The following LCORL variants were observed in gnomAD, a reference collection of about 807,000 sequenced individuals.
LCORL encodes ligand-dependent nuclear receptor corepressor-like protein.
A neutral mutation model predicts 141.8 loss-of-function variants in LCORL; 41 were observed. That is an observed-to-expected ratio of 0.29 (90% CI 0.23 to 0.38). LCORL has a LOEUF of 0.38. LCORL is among the 10% of genes least tolerant of loss of function. The pLI is 1.00. For synonymous variants in LCORL, 618 were observed against 694.1 expected, an observed-to-expected ratio of 0.89 and a Z score of 1.72; for missense variants, 1,759 against 2,035.0, an observed-to-expected ratio of 0.86 and a Z score of 2.61.
chr4:17,917,550 C>T (rs544421754), intron 4 of LCORL, among the ~76,000 whole-genome samples: 117 of 152,348 alleles, frequency 7.7e-4, no homozygotes, highest in African/African-American at 2.5e-3. Context: ...AACAAAGAGA[C>T]AGCAGGTTTT....
intron 5 of LCORL, among the ~76,000 whole-genome samples, chr4:17,889,337 A>C (rs13141926): frequency 6.6e-6 from 1 of 151,988 alleles, no homozygotes; most frequent in Non-Finnish European, 1.5e-5. Flanking sequence ...CATCTAGGCT[A>C]TGTTAAAAGT....
In LCORL at chr4:17,972,899, GA is replaced by G. The variant is rs765781303; in HGVS notation, c.155-15del. ...TACTCTCAAAACCTGTGTTTTTAGA[GA>G]GAGAAAAGTATATTAACTACTAGAA... On this transcript the variant is annotated splice_polypyrimidine_tract_variant and intron_variant, in intron 1 of 7. Transcript: ENST00000635767. The G allele has an allele frequency of 3.8e-6, 5 of 1,327,420 alleles. No individual in the cohort carries two copies. The highest frequency in any genetic ancestry group is 5.0e-6 in the Non-Finnish European group (5 of 1,006,740). 82.2% of individuals were successfully genotyped at this position (1,327,420 alleles called of 1,614,324 possible).
chr4:17,906,481 A>G (rs566143730), intron 5 of LCORL, among the ~76,000 whole-genome samples: 1 of 151,786 alleles, frequency 6.6e-6, no homozygotes, highest in East Asian at 1.9e-4. Flanking sequence ...AAAACTTAAA[A>G]TTATCAAGAA....
At position 17,983,377 on chromosome 4, in the gene LCORL, T is replaced by C. The variant is rs147848559; in HGVS notation, c.155-10492A>G. Among the ~76,000 whole-genome samples the C allele has an allele frequency of 1.4e-3, 217 of 152,350 alleles. 2 individuals are homozygous for C. The East Asian group carries it at 0.029, about 20-fold the overall frequency. On this transcript the variant is annotated intron_variant, in intron 1 of 7. Transcript: ENST00000635767. ...GGGGAAAATGGTCATTTTAATGATA[T>C]TGATTCTTCCTATCCATGAGCAAAG...
chr4:17,904,660 G>A (rs1336638253), intron 5 of LCORL, among the ~76,000 whole-genome samples: 4 of 151,960 alleles, frequency 2.6e-5, no homozygotes, highest in East Asian at 1.9e-4. Context: ...ATCTTTCCCC[G>A]TGATTTATAA....
intron 5 of LCORL, 103 bp from the exon 6 acceptor site, chr4:17,886,264 T>C (rs1728255111): frequency 1.4e-6 from 1 of 702,218 alleles, no homozygotes; most frequent in Non-Finnish European, 2.5e-6. Flanking sequence ...ACACTAGTAT[T>C]TGATATGTGG....
intron 1 of LCORL, among the ~76,000 whole-genome samples, chr4:17,981,042 T>C (rs979478508): frequency 6.6e-6 from 1 of 152,182 alleles, no homozygotes; most frequent in Admixed American, 6.5e-5. Context: ...CCAAAATTCA[T>C]AGTTCTTTAA....
At chr4:17,984,263 C>T (rs1474592203) in intron 1 of LCORL, among the ~76,000 whole-genome samples, 1 of 152,078 alleles carries the variant, frequency 6.6e-6, no homozygotes, top group Non-Finnish European at 1.5e-5. Flanking sequence ...GTTTTGGTAT[C>T]AGGATGATGC....
At chr4:17,958,976 C>T (rs1046097540) in intron 4 of LCORL, among the ~76,000 whole-genome samples, 2 of 151,996 alleles carry the variant, frequency 1.3e-5, no homozygotes, top group Admixed American at 6.6e-5. Context: ...AGTTAAAGTT[C>T]ACCTTTGTCC....
intron 1 of LCORL, among the ~76,000 whole-genome samples, chr4:18,010,834 T>C (rs934162132): frequency 2.0e-5 from 3 of 152,148 alleles, no homozygotes; most frequent in Admixed American, 1.3e-4. Context: ...TCCAGTATAC[T>C]TACCCCCAGA....
Position 17,976,053 on chromosome 4 carries a change from T to G in LCORL, c.155-3168A>C, listed in dbSNP as rs533998846. On this transcript the variant is annotated intron_variant, in intron 1 of 7. Transcript: ENST00000635767. ...AATGCTCCTCCTTGTCCTTGTTCTA[T>G]TGTGTCTACTGTTATATCAGCTACA... Among the ~76,000 whole-genome samples, 5 of 152,308 alleles carry G rather than the reference T, an allele frequency of 3.3e-5. No homozygotes were observed. In the East Asian group the frequency reaches 9.6e-4, roughly 29 times the overall value.
intron 1 of LCORL, among the ~76,000 whole-genome samples, chr4:18,007,039 CT>C (rs1355597141): frequency 2.0e-5 from 3 of 152,168 alleles, no homozygotes; most frequent in African/African-American, 7.2e-5. Context: ...GTCTCCCCCT[CT>C]TCTCTGTTTC....
At chr4:17,877,880 A>C (rs545238975) in exon 7 of LCORL, 1 of 1,230,744 alleles carries the variant, frequency 8.1e-7, no homozygotes, top group South Asian at 4.1e-5. Context: ...GGCAAGATAA[A>C]CAATGTAAAT....
intron 4 of LCORL, among the ~76,000 whole-genome samples, chr4:17,910,984 C>T (rs756649779): frequency 2.6e-5 from 4 of 152,226 alleles, no homozygotes; most frequent in Non-Finnish European, 4.4e-5. Context: ...GGGGCAGTGG[C>T]GTAAAAGACC....
intron 4 of LCORL, among the ~76,000 whole-genome samples, chr4:17,923,137 G>A (rs1027390115): frequency 6.6e-6 from 1 of 152,160 alleles, no homozygotes; most frequent in Admixed American, 6.5e-5. Flanking sequence ...AACTGCTTGA[G>A]TTTTCTAACT....
chr4:17,927,049 A>C (rs1289295255), intron 4 of LCORL, among the ~76,000 whole-genome samples: 2 of 152,214 alleles, frequency 1.3e-5, no homozygotes, highest in African/African-American at 4.8e-5. Context: ...TAATACATTG[A>C]AAATTTCTTG....
chr4:17,893,395 A>G (rs1304593805), intron 5 of LCORL: 7 of 972,584 alleles, frequency 7.2e-6, no homozygotes, highest in Non-Finnish European at 8.6e-6. Flanking sequence ...TATTAAAATG[A>G]TTCTGCAGAA....
At chr4:17,852,680 G>A (rs1028403090) in intron 7 of LCORL, among the ~76,000 whole-genome samples, 4 of 152,116 alleles carry the variant, frequency 2.6e-5, no homozygotes, top group African/African-American at 7.2e-5. Context: ...CAATACTTTG[G>A]TAATCCCATG....
chr4:17,990,660 T>A (rs935603977), intron 1 of LCORL, among the ~76,000 whole-genome samples: 4 of 151,326 alleles, frequency 2.6e-5, no homozygotes, highest in Non-Finnish European at 4.4e-5. Flanking sequence ...TTTTTTTTTT[T>A]AGAGAATTCT....
Sources: allele counts gnomAD v4.1 joint callset (sites outside exome capture counted in the v4.1 genomes callset), GRCh38; gene constraint gnomAD v4.1.1; transcripts MANE v1.5; gene names NCBI Gene and HGNC (gene_info 2026-07-23, HGNC 2026-07-21).